ARHGAP32: variants seen among roughly 807,000 people sequenced by gnomAD.
ARHGAP32 encodes the protein rho GTPase-activating protein 32.
Under a neutral mutation model 186.5 loss-of-function variants are expected in ARHGAP32, and 51 were observed. The ratio of observed to expected loss-of-function variants is 0.27; its 90% CI spans 0.22 to 0.35. The LOEUF is 0.35. ARHGAP32 is among the 10% of genes least tolerant of loss of function. ARHGAP32 has a pLI of 1.00. For missense variants in ARHGAP32, 2,186 were observed against 2,623.5 expected, an observed-to-expected ratio of 0.83 and a Z score of 3.64; for synonymous variants, 950 against 964.3, an observed-to-expected ratio of 0.99 and a Z score of 0.27.
Position 128,978,924 on chromosome 11 carries a change from G to T in ARHGAP32, c.1977-9C>A. On this transcript the variant is annotated splice_polypyrimidine_tract_variant and intron_variant, in intron 18 of 22. Transcript: ENST00000682385. ...TATTTTGAGGCCTCTTTCTATGAAAGAGAAAAAATAATCAACATTAAGATA... is the reference window on the plus strand; with the variant it reads ...TATTTTGAGGCCTCTTTCTATGAAATAGAAAAAATAATCAACATTAAGATA... 6.3e-7 allele frequency: 1 copy of T among 1,593,762 alleles called. No homozygotes were observed. Among genetic ancestry groups the T allele is most frequent in the Non-Finnish European group, 8.5e-7 (1 of 1,174,026 alleles).
chr11:129,078,192 T>C (rs1017635523), intron 6 of ARHGAP32, among the ~76,000 whole-genome samples: 1 of 152,044 alleles, frequency 6.6e-6, no homozygotes. Flanking sequence ...GGTGGCTAGA[T>C]CCAGGAGAGC....
intron 3 of ARHGAP32, among the ~76,000 whole-genome samples, chr11:129,124,586 A>G (rs934208330): frequency 6.6e-6 from 1 of 152,284 alleles, no homozygotes; most frequent in East Asian, 1.9e-4. Flanking sequence ...ACAGAAAATG[A>G]CATAAGTTGC....
intron 12 of ARHGAP32, among the ~76,000 whole-genome samples, chr11:128,990,414 A>C (rs542197489): frequency 6.6e-6 from 1 of 152,320 alleles, no homozygotes; most frequent in Non-Finnish European, 1.5e-5. Context: ...CAATGTATAA[A>C]ATTAGCAAGT....
intron 2 of ARHGAP32, among the ~76,000 whole-genome samples, chr11:129,146,364 G>A (rs1300838911): frequency 6.6e-6 from 1 of 152,066 alleles, no homozygotes; most frequent in Non-Finnish European, 1.5e-5. Context: ...ATAGTGCAAT[G>A]AAATCTTGCA....
At chr11:129,133,066 A>T (rs1942850074) in intron 2 of ARHGAP32, among the ~76,000 whole-genome samples, 1 of 152,132 alleles carries the variant, frequency 6.6e-6, no homozygotes, top group African/African-American at 2.4e-5. Context: ...GGAAACTTAC[A>T]ATCACAGCGG....
At chr11:129,242,486 A>C (rs1945031468) in intron 1 of ARHGAP32, among the ~76,000 whole-genome samples, 1 of 152,230 alleles carries the variant, frequency 6.6e-6, no homozygotes, top group Non-Finnish European at 1.5e-5. Flanking sequence ...TGGGAGGCCA[A>C]GGCAGGCAGA....
chr11:129,228,544 C>G (rs571856323), intron 1 of ARHGAP32, among the ~76,000 whole-genome samples: 1 of 152,108 alleles, frequency 6.6e-6, no homozygotes, highest in Non-Finnish European at 1.5e-5. Context: ...GGAAAGAGAT[C>G]ATGTCCTTTG....
intron 10 of ARHGAP32, among the ~76,000 whole-genome samples, chr11:129,054,123 T>C (rs1038748325): frequency 1.3e-5 from 2 of 151,572 alleles, no homozygotes; most frequent in African/African-American, 4.8e-5. Flanking sequence ...GCACGAAAAC[T>C]CACAATATTT....
At chr11:128,971,480 T>A (rs1177008245) in intron 22 of ARHGAP32, 3 of 262,386 alleles carry the variant, frequency 1.1e-5, no homozygotes, top group African/African-American at 6.6e-5. Context: ...GCTGTAGAGC[T>A]TAAAAATACA....
intron 10 of ARHGAP32, among the ~76,000 whole-genome samples, chr11:129,049,178 T>C (rs960641486): frequency 1.3e-5 from 2 of 151,892 alleles, no homozygotes; most frequent in South Asian, 2.1e-4. Context: ...GGGAGGAAGA[T>C]AAGAAGCAGT....
intron 10 of ARHGAP32, among the ~76,000 whole-genome samples, chr11:129,054,811 A>G (rs1940186260): frequency 6.6e-6 from 1 of 152,234 alleles, no homozygotes; most frequent in African/African-American, 2.4e-5. Flanking sequence ...CACAGATTTC[A>G]AAATTTCAAA....
intron 1 of ARHGAP32, among the ~76,000 whole-genome samples, chr11:129,200,226 G>A (rs1332732587): frequency 6.6e-6 from 1 of 152,166 alleles, no homozygotes; most frequent in Non-Finnish European, 1.5e-5. Flanking sequence ...GATGAAATGA[G>A]TTAAGACATT....
At chr11:129,250,154 C>T (rs1161685687) in intron 1 of ARHGAP32, among the ~76,000 whole-genome samples, 1 of 152,002 alleles carries the variant, frequency 6.6e-6, no homozygotes, top group Non-Finnish European at 1.5e-5. Context: ...GAGGTTGAGG[C>T]TGCAATGAGC....
chr11:129,078,783 G>A (rs141252019), intron 6 of ARHGAP32, among the ~76,000 whole-genome samples: 126 of 152,184 alleles, frequency 8.3e-4, no homozygotes, highest in African/African-American at 2.8e-3. Context: ...GTGAGCCACC[G>A]TACCCGGCCA....
chr11:129,268,663 C>A (rs1178635674), intron 1 of ARHGAP32, among the ~76,000 whole-genome samples: 1 of 49,210 alleles, frequency 2.0e-5, no homozygotes. Flanking sequence ...TGCCTCCTCA[C>A]CAAAAAAAAA....
intron 5 of ARHGAP32, among the ~76,000 whole-genome samples, chr11:129,119,956 G>A (rs1189212794): frequency 6.6e-6 from 1 of 152,130 alleles, no homozygotes; most frequent in African/African-American, 2.4e-5. Context: ...AATCCTTGTA[G>A]AGAAGTTTCA....
chr11:129,240,691 C>A (rs1369087472), intron 1 of ARHGAP32, among the ~76,000 whole-genome samples: 1 of 152,110 alleles, frequency 6.6e-6, no homozygotes, highest in Non-Finnish European at 1.5e-5. Context: ...CTGATGATAT[C>A]AGTTTTTCCT....
At chr11:129,070,152 C>T (rs1940825152) in intron 6 of ARHGAP32, among the ~76,000 whole-genome samples, 1 of 152,166 alleles carries the variant, frequency 6.6e-6, no homozygotes, top group African/African-American at 2.4e-5. Context: ...GTGCTAATCA[C>T]TTGACCATAT....
intron 10 of ARHGAP32, 30 bp from the exon 11 acceptor site, chr11:129,041,039 A>C: frequency 6.7e-7 from 1 of 1,486,000 alleles, no homozygotes; most frequent in Non-Finnish European, 9.2e-7. Context: ...AAAGGATTCT[A>C]AACCAGCAAA....
Sources: gnomAD v4.1 joint callset for allele counts (sites outside exome capture counted in the v4.1 genomes callset) on GRCh38, gnomAD v4.1.1 for gene constraint, MANE v1.5 for transcripts, NCBI Gene and HGNC (gene_info 2026-07-23, HGNC 2026-07-21) for gene names.